Variants in CRHR1 observed in about 807,000 individuals in gnomAD.
CRHR1 encodes the protein corticotropin releasing hormone receptor 1.
A neutral mutation model predicts 56.0 loss-of-function variants in CRHR1; 28 were observed. That is an observed-to-expected ratio of 0.50 (90% confidence interval 0.37 to 0.69). CRHR1 has a LOEUF of 0.69. Among genes scored for constraint, CRHR1 ranks in the 30% least tolerant of loss-of-function variants. The pLI, the probability that CRHR1 is intolerant of heterozygous loss-of-function variation, is 0.00. For missense variants in CRHR1, 376 were observed against 548.0 expected, an observed-to-expected ratio of 0.69 and a Z score of 3.13; for synonymous variants, 195 against 216.5, an observed-to-expected ratio of 0.90 and a Z score of 0.87.
intron 1 of CRHR1, among the ~76,000 whole-genome samples, chr17:45,802,800 CT>C (rs1220930041): frequency 6.6e-6 from 1 of 152,202 alleles, no homozygotes; most frequent in Non-Finnish European, 1.5e-5. Flanking sequence ...TGGAATTTGG[CT>C]TCATTTTCTG....
intron 1 of CRHR1, among the ~76,000 whole-genome samples, chr17:45,806,621 G>A (rs1270062381): frequency 1.3e-5 from 2 of 152,202 alleles, no homozygotes; most frequent in African/African-American, 4.8e-5. Context: ...GGGTGTGTGT[G>A]TGTGTGCACA....
chr17:45,802,420 A>G (rs975981299), intron 1 of CRHR1, among the ~76,000 whole-genome samples: 4 of 152,218 alleles, frequency 2.6e-5, no homozygotes, highest in African/African-American at 4.8e-5. Flanking sequence ...GTAATTGCCT[A>G]TTGATGGAGA....
intron 1 of CRHR1, among the ~76,000 whole-genome samples, chr17:45,788,073 G>A (rs2146251240): frequency 6.6e-6 from 1 of 152,344 alleles, no homozygotes; most frequent in Admixed American, 6.5e-5. Context: ...TCTAACATTT[G>A]GCTCCTCAAA....
intron 5 of CRHR1, chr17:45,829,722 C>A: frequency 7.1e-7 from 1 of 1,414,410 alleles, no homozygotes; most frequent in Non-Finnish European, 9.8e-7. Flanking sequence ...GATCAGGAGC[C>A]GAGCATCAGG....
Position 45,784,613 on chromosome 17 carries a change from C to G in CRHR1, c.33+36C>G. 6.5e-7 allele frequency: 1 copy of G among 1,529,898 alleles called. No homozygotes were observed. The highest frequency in any genetic ancestry group is 8.8e-7 in the Non-Finnish European group (1 of 1,136,964). The allele number at this position is 1,529,898 out of a possible 1,614,324, so 94.8% of individuals were successfully genotyped here. ...GCCGGCCATCCCTCGAGCGCTGGCGCCCCCGGCCCCTGGCGGACGCGGGAC... is the reference window on the plus strand; with the variant it reads ...GCCGGCCATCCCTCGAGCGCTGGCGGCCCCGGCCCCTGGCGGACGCGGGAC... On this transcript the variant is annotated intron_variant, in intron 1 of 12. Transcript: ENST00000314537. The surrounding 1 kb of genome is among the most constrained non-coding windows in gnomAD (Gnocchi z 4.2).
At chr17:45,810,360 A>G (rs984283133) in intron 2 of CRHR1, among the ~76,000 whole-genome samples, 2 of 152,156 alleles carry the variant, frequency 1.3e-5, no homozygotes, top group East Asian at 3.8e-4. Context: ...CAAGTGCTTT[A>G]ATCTCATTCA....
chr17:45,803,105 C>G (rs998220691), intron 1 of CRHR1, among the ~76,000 whole-genome samples: 1 of 152,126 alleles, frequency 6.6e-6, no homozygotes, highest in African/African-American at 2.4e-5. Flanking sequence ...GGCCCTGGAA[C>G]TGGCCTCTGA....
chr17:45,791,990 C>T (rs1011165279), intron 1 of CRHR1, among the ~76,000 whole-genome samples: 6 of 152,134 alleles, frequency 3.9e-5, no homozygotes, highest in African/African-American at 1.4e-4. Flanking sequence ...CTGAGCATAG[C>T]CAGACCTGTA....
At chr17:45,806,850 G>A (rs1054890363) in intron 1 of CRHR1, among the ~76,000 whole-genome samples, 160 bp from the exon 2 acceptor site, 1 of 152,164 alleles carries the variant, frequency 6.6e-6, no homozygotes, top group African/African-American at 2.4e-5. Context: ...GGAGAGAGGA[G>A]ATGAGGGGCG....
At chr17:45,831,715 G>A (rs750171133) in intron 8 of CRHR1, among the ~76,000 whole-genome samples, 1 of 152,212 alleles carries the variant, frequency 6.6e-6, no homozygotes. Flanking sequence ...CACTGAGAGA[G>A]AGCGGGGCAG....
In CRHR1 at chr17:45,834,902, G is replaced by C. The variant is rs865900985; in HGVS notation, c.*138G>C. The C allele has an allele frequency of 8.9e-6, 10 of 1,128,346 alleles. No individual in the cohort carries two copies. The highest frequency in any genetic ancestry group is 1.6e-5 in the African/African-American group (1 of 62,428). The allele number at this position is 1,128,346 out of a possible 1,614,324, so 69.9% of individuals were successfully genotyped here. ...CAGGAGCAGCTGGCACTGACAGCCTGGGGGGGCCGCTCTCCCCCTGCAGCC... is the reference window on the plus strand; with the variant it reads ...CAGGAGCAGCTGGCACTGACAGCCTCGGGGGGCCGCTCTCCCCCTGCAGCC... On this transcript the variant is annotated 3_prime_UTR_variant, in exon 13 of 13. Coordinates refer to ENST00000314537, the MANE Select transcript of CRHR1 (RefSeq NM_004382.5).
chr17:45,830,992 G>C, intron 8 of CRHR1, 52 bp downstream of exon 8: 1 of 1,570,668 alleles, frequency 6.4e-7, no homozygotes, highest in African/African-American at 1.3e-5. Context: ...TCCCAGCCCA[G>C]CTTGGTGACA....
At chr17:45,789,109 C>G (rs927175700) in intron 1 of CRHR1, among the ~76,000 whole-genome samples, 1 of 152,118 alleles carries the variant, frequency 6.6e-6, no homozygotes, top group Non-Finnish European at 1.5e-5. Context: ...GCGCTTTTGC[C>G]GTGTCTGGAG....
chr17:45,833,430 C>T (rs760031056), intron 9 of CRHR1, 22 bp from the exon 10 acceptor site: 20 of 1,613,104 alleles, frequency 1.2e-5, no homozygotes, highest in African/African-American at 5.3e-5. Context: ...CACTCCGGCC[C>T]GCTGGTGTGC....
rs542174163 is a variant in CRHR1, at chr17:45,828,766, G to A, written c.328-449G>A. 1.3e-4 allele frequency among the ~76,000 whole-genome samples: 20 copies of A among 152,364 alleles called. 1 individual carries two copies. Among genetic ancestry groups the A allele is most frequent in the African/African-American group, 3.8e-4 (16 of 41,578 alleles). On this transcript the variant is annotated intron_variant, in intron 4 of 12. Coordinates refer to ENST00000314537, the MANE Select transcript of CRHR1 (RefSeq NM_004382.5). ...TTGCAGCAGGAGGGATTTAGGGGTG[G>A]CTGAGAAGGTGGTGACTCAGTTCAG...
intron 4 of CRHR1, among the ~76,000 whole-genome samples, chr17:45,827,414 T>C (rs1568065712): frequency 6.6e-6 from 1 of 152,184 alleles, no homozygotes; most frequent in Non-Finnish European, 1.5e-5. Flanking sequence ...TCAGCATGGA[T>C]TTGTGGAAAA....
At chr17:45,833,929 G>A in intron 11 of CRHR1, 78 bp from the exon 12 acceptor site, 11 of 1,612,996 alleles carry the variant, frequency 6.8e-6, no homozygotes, top group Non-Finnish European at 9.3e-6. Flanking sequence ...AGGAGGCCAG[G>A]GAGAAGCAAG....
intron 1 of CRHR1, among the ~76,000 whole-genome samples, chr17:45,791,833 T>TTCTCTCTCTCTC (rs71363555): frequency 1.0e-4 from 13 of 127,122 alleles, no homozygotes; most frequent in Non-Finnish European, 2.0e-4. Context: ...CTCTCTCTCT[T>TTCTCTCTCTCTC]TCTCTCTCTC....
chr17:45,794,202 G>C lies in CRHR1; in HGVS notation c.33+9625G>C, dbSNP rs115929139. Among the ~76,000 whole-genome samples the C allele has an allele frequency of 5.0e-3, 757 of 152,370 alleles. 6 individuals carry two copies. The highest frequency in any genetic ancestry group is 0.017 in the African/African-American group (715 of 41,586). On this transcript the variant is annotated intron_variant, in intron 1 of 12. Transcript: ENST00000314537. Reference sequence around the variant, plus strand: ...TCACCTGGCAAGTCTGACAGCATCTGAATTGGTCTAGACCCTGTTTGACGA... The same window carrying C: ...TCACCTGGCAAGTCTGACAGCATCTCAATTGGTCTAGACCCTGTTTGACGA...
Sources: allele counts gnomAD v4.1 joint callset (sites outside exome capture counted in the v4.1 genomes callset), GRCh38; gene constraint gnomAD v4.1.1; non-coding constraint Gnocchi (gnomAD v3.1); transcripts MANE v1.5; gene names NCBI Gene and HGNC (gene_info 2026-07-23, HGNC 2026-07-21).